Variants in NKAIN2 observed in about 807,000 individuals in gnomAD.
The protein encoded by NKAIN2 is sodium/potassium transporting ATPase interacting 2.
Under a neutral mutation model 32.6 loss-of-function variants are expected in NKAIN2, and 14 were observed. The observed-to-expected ratio is 0.43, with a 90% CI of 0.28 to 0.67. The LOEUF (loss-of-function observed/expected upper bound fraction) is 0.67. Among genes scored for constraint, NKAIN2 ranks in the 30% least tolerant of loss-of-function variants. The pLI is 0.17. For synonymous variants in NKAIN2, 80 were observed against 87.2 expected (o/e 0.92, Z 0.46); for missense variants, 198 against 258.3 (o/e 0.77, Z 1.60).
In NKAIN2 at chr6:124,394,994, A is replaced by G. The variant is rs7774661; in HGVS notation, c.273+39647A>G. 5.0e-3 allele frequency among the ~76,000 whole-genome samples: 758 copies of G among 152,264 alleles called. 3 individuals are homozygous for G. Among genetic ancestry groups the G allele is most frequent in the African/African-American group, 0.018 (730 of 41,558 alleles). ...TAATATGGGCTTGGACTTCCTGAAC[A>G]TCGTCAGTCAGGTCTCTCTAATCTC... On this transcript the variant is annotated intron_variant, in intron 3 of 6. Coordinates refer to ENST00000368417, the MANE Select transcript of NKAIN2 (RefSeq NM_001040214.3).
intron 1 of NKAIN2, among the ~76,000 whole-genome samples, chr6:123,910,177 C>T (rs971020084): frequency 6.6e-6 from 1 of 152,150 alleles, no homozygotes; most frequent in Admixed American, 6.5e-5. Flanking sequence ...GCATCTGCTT[C>T]CTGCTCTACC....
chr6:124,409,370 C>A (rs1445353022), intron 3 of NKAIN2, among the ~76,000 whole-genome samples: 3 of 150,238 alleles, frequency 2.0e-5, no homozygotes, highest in East Asian at 3.9e-4. Context: ...TACGTCCCAT[C>A]AATAACTAAT....
chr6:124,606,160 T>C (rs1432482660), intron 3 of NKAIN2, among the ~76,000 whole-genome samples: 2 of 152,042 alleles, frequency 1.3e-5, no homozygotes, highest in Non-Finnish European at 2.9e-5. Flanking sequence ...AAAGTGATAG[T>C]ACCTCTCCTC....
chr6:124,817,979 C>A (rs1781239189), intron 5 of NKAIN2, among the ~76,000 whole-genome samples: 1 of 147,204 alleles, frequency 6.8e-6, no homozygotes, highest in Non-Finnish European at 1.5e-5. Context: ...TAGATACATG[C>A]ACTTGAGTGG....
rs74597614 is a variant in NKAIN2, at chr6:124,466,079, G to A, written c.273+110732G>A. On this transcript the variant is annotated intron_variant, in intron 3 of 6. Transcript: ENST00000368417. ...TCTTTATTGAAGGGATCACTGTAAT[G>A]TTTTACACACAACGTTTGGCTGATA... Among the ~76,000 whole-genome samples, 652 of 151,454 alleles carry A rather than the reference G, an allele frequency of 4.3e-3. 3 individuals carry two copies. The highest frequency in any genetic ancestry group is 0.015 in the African/African-American group (615 of 41,506).
intron 4 of NKAIN2, among the ~76,000 whole-genome samples, chr6:124,781,903 T>G (rs566005920): frequency 6.6e-6 from 1 of 152,230 alleles, no homozygotes; most frequent in East Asian, 1.9e-4. Flanking sequence ...AAAACTGGTC[T>G]TCAAATTTGT....
chr6:123,922,078 G>A (rs1775784741), intron 1 of NKAIN2, among the ~76,000 whole-genome samples: 1 of 152,134 alleles, frequency 6.6e-6, no homozygotes, highest in South Asian at 2.1e-4. Flanking sequence ...AGAGACACAT[G>A]TCTAAATGTT....
intron 1 of NKAIN2, among the ~76,000 whole-genome samples, chr6:124,027,382 C>T (rs1011519523): frequency 6.6e-6 from 1 of 152,118 alleles, no homozygotes; most frequent in African/African-American, 2.4e-5. Context: ...CTCAGGTGAT[C>T]TGCCCGCCTC....
chr6:124,224,957 A>G (rs935605974), intron 1 of NKAIN2, among the ~76,000 whole-genome samples: 2 of 152,106 alleles, frequency 1.3e-5, no homozygotes, highest in African/African-American at 2.4e-5. Flanking sequence ...CAAGTATTAC[A>G]GTCAAGTACT....
At chr6:124,420,227 G>C (rs1774685610) in intron 3 of NKAIN2, among the ~76,000 whole-genome samples, 1 of 152,070 alleles carries the variant, frequency 6.6e-6, no homozygotes, top group South Asian at 2.1e-4. Context: ...ACTCCCTTTT[G>C]TTCTGACACT....
chr6:124,014,750 T>A (rs1780486985), intron 1 of NKAIN2, among the ~76,000 whole-genome samples: 2 of 152,170 alleles, frequency 1.3e-5, no homozygotes, highest in Non-Finnish European at 2.9e-5. Flanking sequence ...GCCAAACATT[T>A]TGGGATTTTT....
At chr6:124,312,907 GA>G (rs1325982331) in intron 2 of NKAIN2, among the ~76,000 whole-genome samples, 14 of 151,806 alleles carry the variant, frequency 9.2e-5, no homozygotes, top group African/African-American at 3.4e-4. Context: ...CTCCAAGACA[GA>G]AAAGCGGGAG....
chr6:123,991,777 G>A (rs989005787), intron 1 of NKAIN2, among the ~76,000 whole-genome samples: 5 of 152,076 alleles, frequency 3.3e-5, no homozygotes, highest in South Asian at 2.1e-4. Flanking sequence ...CAGGTGAATG[G>A]TGTGAACCCA....
At chr6:124,667,092 T>C (rs1772836040) in intron 4 of NKAIN2, among the ~76,000 whole-genome samples, 1 of 152,132 alleles carries the variant, frequency 6.6e-6, no homozygotes, top group South Asian at 2.1e-4. Flanking sequence ...GTAATAATAT[T>C]TAGTGTAGTT....
chr6:124,727,653 C>A (rs1247542421), intron 4 of NKAIN2, among the ~76,000 whole-genome samples: 3 of 150,528 alleles, frequency 2.0e-5, no homozygotes, highest in Non-Finnish European at 3.0e-5. Flanking sequence ...CATCAACTAA[C>A]GAGCAAAATA....
At chr6:124,553,623 A>C (rs539549606) in intron 3 of NKAIN2, among the ~76,000 whole-genome samples, 3 of 152,286 alleles carry the variant, frequency 2.0e-5, no homozygotes, top group Admixed American at 1.3e-4. Flanking sequence ...AGAGGTTTTC[A>C]TATATTTTTC....
At chr6:123,885,999 A>T (rs1478909444) in intron 1 of NKAIN2, among the ~76,000 whole-genome samples, 4 of 151,830 alleles carry the variant, frequency 2.6e-5, no homozygotes, top group South Asian at 2.1e-4. Context: ...GAATACAATT[A>T]AAAAAAGAGG....
At chr6:123,831,854 C>T (rs1304292448) in intron 1 of NKAIN2, among the ~76,000 whole-genome samples, 1 of 152,022 alleles carries the variant, frequency 6.6e-6, no homozygotes. Context: ...CGGGGTTTCA[C>T]CGTGTTAGCC....
chr6:123,959,252 G>A (rs574977469), intron 1 of NKAIN2, among the ~76,000 whole-genome samples: 1 of 152,264 alleles, frequency 6.6e-6, no homozygotes, highest in East Asian at 1.9e-4. Flanking sequence ...GGTCTAAAGA[G>A]TGAATCTGCT....
Sources: allele counts gnomAD v4.1 joint callset (sites outside exome capture counted in the v4.1 genomes callset), GRCh38; gene constraint gnomAD v4.1.1; transcripts MANE v1.5; gene names NCBI Gene and HGNC (gene_info 2026-07-23, HGNC 2026-07-21).